The following CNTNAP2 variants were observed in gnomAD, a reference collection of about 807,000 sequenced individuals.
CNTNAP2 encodes the protein contactin-associated protein-like 2.
In CNTNAP2, 98 loss-of-function variants were observed where a neutral mutation model predicts 155.2. That is an observed-to-expected ratio of 0.63 (90% CI 0.54 to 0.75). The LOEUF is 0.75. CNTNAP2 is among the 30% of genes least tolerant of loss of function. The pLI is 0.00. For missense variants in CNTNAP2, 1,727 were observed against 1,688.1 expected (o/e 1.02, Z -0.40); for synonymous variants, 651 against 631.2 (o/e 1.03, Z -0.47).
intron 10 of CNTNAP2, among the ~76,000 whole-genome samples, chr7:147,450,074 C>T (rs1797805209): frequency 1.3e-5 from 2 of 152,184 alleles, no homozygotes; most frequent in Admixed American, 6.5e-5. Flanking sequence ...CAAGATATCA[C>T]TCCCATGATC....
At chr7:147,395,859 C>T in intron 10 of CNTNAP2, 79 bp downstream of exon 10, 7 of 1,520,574 alleles carry the variant, frequency 4.6e-6, no homozygotes, top group African/African-American at 1.4e-5. Flanking sequence ...AGTGAAACAT[C>T]CCAAAAGAAA....
chr7:148,058,778 T>A (rs562024720), intron 15 of CNTNAP2, among the ~76,000 whole-genome samples: 1 of 152,188 alleles, frequency 6.6e-6, no homozygotes, highest in African/African-American at 2.4e-5. Context: ...CATAGAATAG[T>A]TTTTTGTTTG....
chr7:147,458,439 G>A (rs1797960223), intron 10 of CNTNAP2, among the ~76,000 whole-genome samples: 1 of 152,030 alleles, frequency 6.6e-6, no homozygotes, highest in Non-Finnish European at 1.5e-5. Context: ...CTTTCATGTT[G>A]CTTCTCTCTA....
At chr7:147,188,587 C>T (rs891607290) in intron 8 of CNTNAP2, among the ~76,000 whole-genome samples, 20 of 152,080 alleles carry the variant, frequency 1.3e-4, no homozygotes, top group African/African-American at 4.3e-4. Context: ...AGTCTGACAG[C>T]GGAAGCTTTT....
intron 3 of CNTNAP2, among the ~76,000 whole-genome samples, chr7:146,970,273 A>T (rs2129233149): frequency 6.6e-6 from 1 of 152,294 alleles, no homozygotes; most frequent in Middle Eastern, 3.4e-3. Flanking sequence ...GTGAACAGGC[A>T]ACCTACAAAA....
chr7:148,415,541 G>C lies in CNTNAP2; in HGVS notation c.3921G>C (p.Ala1307=), dbSNP rs750224036. ...EAKGAESAES[A]DAAIMNNDPN... ...AGGGGGCGGAGTCGGCAGAGAGCGC[G>C]GACGCCGCCATCATGAACAACGACC... The change falls in exon 24 of 24, where the codon GCG becomes GCC. Residue 1307 remains alanine (A), a synonymous_variant. Coordinates refer to ENST00000361727, the MANE Select transcript of CNTNAP2 (RefSeq NM_014141.6). 2 of 1,614,242 alleles carry C rather than the reference G, an allele frequency of 1.2e-6. No homozygotes were observed. The highest frequency in any genetic ancestry group is 1.1e-5 in the South Asian group (1 of 91,084).
chr7:148,120,532 G>T (rs2116612381), intron 16 of CNTNAP2, among the ~76,000 whole-genome samples: 1 of 152,132 alleles, frequency 6.6e-6, no homozygotes, highest in Middle Eastern at 3.4e-3. Flanking sequence ...CTCCCAAAGT[G>T]CTGGGATTAC....
chr7:148,131,865 A>G (rs1383356927), intron 16 of CNTNAP2, among the ~76,000 whole-genome samples: 1 of 152,126 alleles, frequency 6.6e-6, no homozygotes, highest in Non-Finnish European at 1.5e-5. Flanking sequence ...AAAAAAGTAG[A>G]TACAATAAAT....
intron 8 of CNTNAP2, among the ~76,000 whole-genome samples, chr7:147,168,087 GACA>G (rs1234205668): frequency 6.8e-6 from 1 of 148,096 alleles, no homozygotes; most frequent in Non-Finnish European, 1.5e-5. Context: ...ACATATATAT[GACA>G]CATATATGTA....
chr7:148,163,021 A>T (rs997155706), intron 17 of CNTNAP2, among the ~76,000 whole-genome samples: 1 of 152,126 alleles, frequency 6.6e-6, no homozygotes, highest in Admixed American at 6.6e-5. Context: ...AATATAAGAC[A>T]ATGTTCTGGC....
At chr7:147,897,264 A>T (rs777253340) in intron 13 of CNTNAP2, among the ~76,000 whole-genome samples, 2 of 152,234 alleles carry the variant, frequency 1.3e-5, no homozygotes, top group Non-Finnish European at 2.9e-5. Flanking sequence ...AATGAAACAC[A>T]GTGTTAGGTT....
intron 1 of CNTNAP2, among the ~76,000 whole-genome samples, chr7:146,717,200 G>C (rs145480298): frequency 6.6e-6 from 1 of 152,084 alleles, no homozygotes. Flanking sequence ...GATGCAGAGA[G>C]CTGTTTGTGT....
chr7:147,228,655 C>T (rs1183864463), intron 8 of CNTNAP2, among the ~76,000 whole-genome samples: 2 of 152,062 alleles, frequency 1.3e-5, no homozygotes, highest in Non-Finnish European at 2.9e-5. Context: ...ATGGAACTCA[C>T]TTTTTTATTT....
chr7:147,013,935 T>C (rs1256472902), intron 3 of CNTNAP2, among the ~76,000 whole-genome samples: 1 of 152,168 alleles, frequency 6.6e-6, no homozygotes, highest in Admixed American at 6.6e-5. Flanking sequence ...TATGAAGTTG[T>C]GGACAAGTTA....
chr7:146,794,232 T>C (rs1802727033), intron 2 of CNTNAP2, among the ~76,000 whole-genome samples: 1 of 152,202 alleles, frequency 6.6e-6, no homozygotes, highest in African/African-American at 2.4e-5. Flanking sequence ...TCTGTAACTA[T>C]GTAGAAATAG....
At chr7:146,805,816 GTATTAGTCTTCCTATTA>G (rs1407758611) in intron 2 of CNTNAP2, among the ~76,000 whole-genome samples, 1 of 152,190 alleles carries the variant, frequency 6.6e-6, no homozygotes, top group Middle Eastern at 3.2e-3. Flanking sequence ...TTGAACTGTT[GTATTAGTCTTCCTATTA>G]TTAACAGAGA....
chr7:147,638,964 G>A (rs984108117), intron 12 of CNTNAP2, 142 bp from the exon 13 acceptor site: 13 of 841,882 alleles, frequency 1.5e-5, no homozygotes, highest in Non-Finnish European at 2.5e-5. Context: ...AGAGCAGGGG[G>A]TTTTAAGGAT....
intron 14 of CNTNAP2, among the ~76,000 whole-genome samples, chr7:147,969,110 T>A (rs927836457): frequency 6.6e-6 from 1 of 152,212 alleles, no homozygotes; most frequent in Non-Finnish European, 1.5e-5. Flanking sequence ...TATATGGTGG[T>A]ATGATCTCAG....
chr7:148,075,926 G>T (rs370206422), intron 15 of CNTNAP2, among the ~76,000 whole-genome samples: 4 of 152,138 alleles, frequency 2.6e-5, no homozygotes, highest in Non-Finnish European at 5.9e-5. Context: ...TTGGTGATGA[G>T]TCGAAAGTAG....
Sources: gnomAD v4.1 joint callset for allele counts (sites outside exome capture counted in the v4.1 genomes callset) on GRCh38, gnomAD v4.1.1 for gene constraint, MANE v1.5 for transcripts, NCBI Gene and HGNC (gene_info 2026-07-23, HGNC 2026-07-21) for gene names.